The following RAB27A variants were observed in gnomAD, a reference collection of about 807,000 sequenced individuals.
The protein encoded by RAB27A is RAB27A, member RAS oncogene family, also known as ras-related protein Rab-27A.
A neutral mutation model predicts 20.8 loss-of-function variants in RAB27A; 17 were observed. The ratio of observed to expected loss-of-function variants is 0.82; its 90% confidence interval spans 0.56 to 1.23. The LOEUF (loss-of-function observed/expected upper bound fraction) is 1.23. Among genes scored for constraint, RAB27A ranks in the 50% most tolerant of loss-of-function variants. The pLI, the probability that RAB27A is intolerant of heterozygous loss-of-function variation, is 0.00. For missense variants in RAB27A, 277 were observed against 266.7 expected, an observed-to-expected ratio of 1.04 and a Z score of -0.27; for synonymous variants, 85 against 92.8, an observed-to-expected ratio of 0.92 and a Z score of 0.48.
chr15:55,315,524 T>C (rs1484132929), intron 1 of RAB27A, among the ~76,000 whole-genome samples: 1 of 152,118 alleles, frequency 6.6e-6, no homozygotes, highest in African/African-American at 2.4e-5. Flanking sequence ...AAAGGGCTAA[T>C]ATCCAGAATC....
intron 2 of RAB27A, among the ~76,000 whole-genome samples, chr15:55,255,458 A>G (rs1213403709): frequency 1.3e-5 from 2 of 152,076 alleles, no homozygotes; most frequent in Admixed American, 1.3e-4. Flanking sequence ...TTGCTTCTCC[A>G]CTACCCCTCA....
In RAB27A at chr15:55,203,600, T is replaced by C. The variant is rs1894502397; in HGVS notation, c.*1907A>G. On this transcript the variant is annotated 3_prime_UTR_variant, in exon 7 of 7. Coordinates refer to ENST00000336787, the MANE Select transcript of RAB27A (RefSeq NM_183235.3). The stretch of plus-strand genomic sequence containing the variant: ...CAGCCCATTTTTTTTTTTTTTTTTT[T>C]TTTAGTAGAGATGGGGTTTCACTGT... The C allele has an allele frequency of 1.3e-5, 2 of 150,640 alleles. No homozygotes were observed. The highest frequency in any genetic ancestry group is 1.3e-4 in the Admixed American group (2 of 15,104). 9.3% of individuals were successfully genotyped at this position (150,640 alleles called of 1,614,324 possible). A position where few individuals can be genotyped will look rare whatever the true frequency, so the allele number is the denominator to read the frequency against.
intron 1 of RAB27A, among the ~76,000 whole-genome samples, chr15:55,275,027 G>T (rs1326936158): frequency 6.6e-6 from 1 of 151,430 alleles, no homozygotes; most frequent in Admixed American, 6.6e-5. Flanking sequence ...AAAGTAGGTG[G>T]ATCACTTGAG....
At chr15:55,266,426 T>G (rs12050885) in intron 2 of RAB27A, among the ~76,000 whole-genome samples, 36,084 of 152,048 alleles carry the variant, frequency 0.24, 5,506 homozygotes, top group East Asian at 0.56. Flanking sequence ...GGGTTTGAAT[T>G]GTGTTGGTGA....
In RAB27A at chr15:55,220,909, G is replaced by A. The variant is rs138292964; in HGVS notation, c.467+2980C>T. On this transcript the variant is annotated intron_variant, in intron 6 of 6. Coordinates refer to ENST00000336787, the MANE Select transcript of RAB27A (RefSeq NM_183235.3). ...CATGGTATGCTTTCTGTATCCTAAGGGACTCTGTTTCTAGCCCTTTCCTTT... is the reference window on the plus strand; with the variant it reads ...CATGGTATGCTTTCTGTATCCTAAGAGACTCTGTTTCTAGCCCTTTCCTTT... 9.2e-5 allele frequency among the ~76,000 whole-genome samples: 14 copies of A among 152,218 alleles called. No individual in the cohort carries two copies. The East Asian group carries it at 2.7e-3, about 29-fold the overall frequency.
At chr15:55,233,603 T>C (rs1896134035) in intron 3 of RAB27A, among the ~76,000 whole-genome samples, 1 of 152,150 alleles carries the variant, frequency 6.6e-6, no homozygotes, top group Admixed American at 6.6e-5. Context: ...ATTCCATTTA[T>C]ATGGTGTGTG....
At chr15:55,287,062 G>A (rs750557819) in intron 1 of RAB27A, among the ~76,000 whole-genome samples, 1 of 151,732 alleles carries the variant, frequency 6.6e-6, no homozygotes, top group East Asian at 1.9e-4. Flanking sequence ...TGTGATTACA[G>A]GCACCCACCA....
At chr15:55,219,080 C>G (rs1210501790) in intron 6 of RAB27A, among the ~76,000 whole-genome samples, 2 of 152,102 alleles carry the variant, frequency 1.3e-5, no homozygotes, top group Middle Eastern at 3.2e-3. Flanking sequence ...TTCCTCAACT[C>G]TGAATCAAGA....
chr15:55,286,682 T>C (rs1898162870), intron 1 of RAB27A, among the ~76,000 whole-genome samples: 2 of 152,134 alleles, frequency 1.3e-5, no homozygotes, highest in South Asian at 4.2e-4. Flanking sequence ...AAGGGTTGTA[T>C]AGACCATGGT....
At chr15:55,213,145 A>G (rs1895108977) in intron 6 of RAB27A, among the ~76,000 whole-genome samples, 1 of 152,238 alleles carries the variant, frequency 6.6e-6, no homozygotes. Context: ...TATCAAAACA[A>G]CAAAGCAAAG....
intron 4 of RAB27A, 97 bp downstream of exon 4, chr15:55,230,304 G>A (rs1229321040): frequency 3.2e-5 from 39 of 1,201,782 alleles, no homozygotes; most frequent in Middle Eastern, 2.1e-4. Flanking sequence ...GCAAACCAAC[G>A]AATTGGCTGG....
intron 1 of RAB27A, among the ~76,000 whole-genome samples, chr15:55,281,307 T>C (rs1476392147): frequency 6.6e-6 from 1 of 152,230 alleles, no homozygotes; most frequent in Non-Finnish European, 1.5e-5. Context: ...TTGCTTCACC[T>C]GGCTATTCTT....
At position 55,316,634 on chromosome 15, in the gene RAB27A, A is replaced by G. The variant is rs537143675; in HGVS notation, c.-234+2297T>C. ...AAAATACAAACTTAACGCTAGAGTAAAAAGTAATACCAATTCTTAGTAACT... is the reference window on the plus strand; with the variant it reads ...AAAATACAAACTTAACGCTAGAGTAGAAAGTAATACCAATTCTTAGTAACT... On this transcript the variant is annotated intron_variant, in intron 1 of 5. Coordinates refer to the RAB27A transcript ENST00000563262. Among the ~76,000 whole-genome samples, 56 of 152,316 alleles carry G rather than the reference A, an allele frequency of 3.7e-4. 1 individual carries two copies. Among genetic ancestry groups the G allele is most frequent in the Middle Eastern group, 3.4e-3 (1 of 294 alleles).
chr15:55,214,695 C>A lies in RAB27A; in HGVS notation c.468-8990G>T, dbSNP rs150909946. Among the ~76,000 whole-genome samples the A allele has an allele frequency of 2.4e-3, 371 of 152,294 alleles. 4 individuals carry two copies. The highest frequency in any genetic ancestry group is 2.0e-3 in the Non-Finnish European group (139 of 68,032). On this transcript the variant is annotated intron_variant, in intron 6 of 6. Coordinates refer to ENST00000336787, the MANE Select transcript of RAB27A (RefSeq NM_183235.3). ...TCAATCTTTTTTCCTCCATCTATCA[C>A]CTTGCACACAAAATGAAGATAATGC...
intron 1 of RAB27A, among the ~76,000 whole-genome samples, chr15:55,315,934 C>CTATA (rs1424890360): frequency 3.3e-5 from 5 of 152,154 alleles, no homozygotes; most frequent in African/African-American, 1.2e-4. Context: ...AATCATTCTA[C>CTATA]TATAAAGACA....
At chr15:55,221,416 T>C (rs1313021604) in intron 6 of RAB27A, among the ~76,000 whole-genome samples, 1 of 152,164 alleles carries the variant, frequency 6.6e-6, no homozygotes, top group Admixed American at 6.5e-5. Context: ...GCATTCTCTG[T>C]GGTAATCGTT....
intron 1 of RAB27A, among the ~76,000 whole-genome samples, chr15:55,279,308 G>A (rs1897954777): frequency 6.6e-6 from 1 of 152,178 alleles, no homozygotes; most frequent in Non-Finnish European, 1.5e-5. Context: ...CAACCAATTA[G>A]GGCAGGTGAA....
In RAB27A at chr15:55,228,182, T is replaced by C. The variant is rs1023964224; in HGVS notation, c.343+427A>G. On this transcript the variant is annotated intron_variant, in intron 5 of 6. Transcript: ENST00000336787. ...GACATGAAGCCAGGGGTATGATCCA[T>C]TAAGTCTTTAAAAGCTATCTGCATC... Among the ~76,000 whole-genome samples the C allele has an allele frequency of 2.6e-5, 4 of 152,274 alleles. No homozygotes were observed. The South Asian group carries it at 8.3e-4, about 32-fold the overall frequency.
intron 2 of RAB27A, among the ~76,000 whole-genome samples, chr15:55,306,253 G>A (rs750375376): frequency 6.6e-6 from 1 of 152,186 alleles, no homozygotes; most frequent in Non-Finnish European, 1.5e-5. Flanking sequence ...GTGTTTATGT[G>A]TTGAAGTTGT....
Sources: allele counts gnomAD v4.1 joint callset (sites outside exome capture counted in the v4.1 genomes callset), GRCh38; gene constraint gnomAD v4.1.1; transcripts MANE v1.5; gene names NCBI Gene and HGNC (gene_info 2026-07-23, HGNC 2026-07-21).